Variants in PREP observed in about 807,000 individuals in gnomAD.
PREP encodes dJ355L5.1 (prolyl endopeptidase).
Under a neutral mutation model 87.6 loss-of-function variants are expected in PREP, and 29 were observed. The ratio of observed to expected loss-of-function variants is 0.33; its 90% CI spans 0.25 to 0.45. The LOEUF is 0.45. Among genes scored for constraint, PREP ranks in the 20% least tolerant of loss-of-function variants. The probability of loss-of-function intolerance (pLI) is 1.00; values close to 1 mark genes in which losing one functional copy is unlikely to be tolerated. For missense variants in PREP, 695 were observed against 886.5 expected (o/e 0.78, Z 2.74); for synonymous variants, 337 against 328.6 (o/e 1.03, Z -0.28).
At chr6:105,282,403 C>T (rs1770103769) in intron 13 of PREP, 48 bp downstream of exon 13, 1 of 1,584,902 alleles carries the variant, frequency 6.3e-7, no homozygotes, top group Non-Finnish European at 8.6e-7. Flanking sequence ...ATCTGAAAAC[C>T]CCAAGAGGGC....
chr6:105,332,810 T>C (rs539900137), intron 8 of PREP, among the ~76,000 whole-genome samples: 1 of 152,358 alleles, frequency 6.6e-6, no homozygotes, highest in African/African-American at 2.4e-5. Flanking sequence ...AAGAGGTTAA[T>C]GTAGTTCACT....
chr6:105,368,681 T>C (rs577442477), intron 6 of PREP, among the ~76,000 whole-genome samples: 5 of 152,354 alleles, frequency 3.3e-5, no homozygotes, highest in Admixed American at 6.5e-5. Flanking sequence ...TTTTTTACCC[T>C]CAAAGTATTA....
chr6:105,312,551 C>A (rs1049596774), intron 10 of PREP, among the ~76,000 whole-genome samples: 3 of 152,194 alleles, frequency 2.0e-5, no homozygotes, highest in Non-Finnish European at 4.4e-5. Context: ...TTAATTGTGA[C>A]AGCCTGATCA....
intron 8 of PREP, among the ~76,000 whole-genome samples, 191 bp downstream of exon 8, chr6:105,333,123 A>C (rs575996747): frequency 1.3e-5 from 2 of 152,330 alleles, no homozygotes; most frequent in South Asian, 4.1e-4. Flanking sequence ...TTTCTACATG[A>C]TATAGTACTA....
chr6:105,334,788 A>T (rs919774748), intron 7 of PREP, among the ~76,000 whole-genome samples: 3 of 151,588 alleles, frequency 2.0e-5, no homozygotes, highest in Admixed American at 6.6e-5. Context: ...GTGGCTATTC[A>T]CAGGCATGAT....
chr6:105,375,495 C>G lies in PREP; in HGVS notation c.385+630G>C, dbSNP rs1413838183. 2.0e-5 allele frequency among the ~76,000 whole-genome samples: 3 copies of G among 152,332 alleles called. No individual in the cohort carries two copies. The East Asian group carries it at 5.8e-4, about 29-fold the overall frequency. The stretch of plus-strand genomic sequence containing the variant: ...CTGCAGAAACCTTGGATAATCTTCT[C>G]TATGGCCTACGGAGGAGGTTATCTT... On this transcript the variant is annotated intron_variant, in intron 4 of 14. Coordinates refer to ENST00000652536, the MANE Select transcript of PREP (RefSeq NM_002726.5).
intron 2 of PREP, among the ~76,000 whole-genome samples, chr6:105,392,573 T>C (rs1404794477): frequency 6.6e-6 from 1 of 152,074 alleles, no homozygotes; most frequent in African/African-American, 2.4e-5. Context: ...TTTTTACAAA[T>C]GTAGTTTTTG....
At chr6:105,307,146 G>C (rs1583046400) in intron 10 of PREP, among the ~76,000 whole-genome samples, 1 of 152,144 alleles carries the variant, frequency 6.6e-6, no homozygotes, top group Non-Finnish European at 1.5e-5. Context: ...ATTTTCTTCA[G>C]ACTCTGGATG....
intron 2 of PREP, among the ~76,000 whole-genome samples, chr6:105,388,641 C>CA (rs1290044142): frequency 3.3e-5 from 5 of 152,172 alleles, no homozygotes; most frequent in Non-Finnish European, 5.9e-5. Flanking sequence ...AGTATGTTTA[C>CA]AAACTGTAAT....
At chr6:105,316,232 G>A (rs1274590182) in intron 10 of PREP, among the ~76,000 whole-genome samples, 1 of 152,134 alleles carries the variant, frequency 6.6e-6, no homozygotes, top group Non-Finnish European at 1.5e-5. Context: ...AACATTTGGA[G>A]GCCACTGTAG....
At chr6:105,279,594 T>C (rs1051569195) in intron 14 of PREP, among the ~76,000 whole-genome samples, 2 of 152,208 alleles carry the variant, frequency 1.3e-5, no homozygotes. Context: ...GAAACACCTT[T>C]TACTAATTCT....
chr6:105,318,728 C>T lies in PREP; in HGVS notation c.1317+4937G>A, dbSNP rs538633346. 3.9e-5 allele frequency among the ~76,000 whole-genome samples: 6 copies of T among 152,282 alleles called. No individual in the cohort carries two copies. In the East Asian group the frequency reaches 1.2e-3, roughly 29 times the overall value. On this transcript the variant is annotated intron_variant, in intron 10 of 14. Coordinates refer to ENST00000652536, the MANE Select transcript of PREP (RefSeq NM_002726.5). Reference sequence around the variant, plus strand: ...TAACCATATGAAAATAGAGTGACCCCTCAGAAAGTTTCTTTTTGAAAATGC... The same window carrying T: ...TAACCATATGAAAATAGAGTGACCCTTCAGAAAGTTTCTTTTTGAAAATGC...
At chr6:105,289,609 A>G (rs1156335307) in intron 10 of PREP, among the ~76,000 whole-genome samples, 1 of 152,224 alleles carries the variant, frequency 6.6e-6, no homozygotes, top group Non-Finnish European at 1.5e-5. Flanking sequence ...ATCCTTTTGG[A>G]TAAAGGATTT....
In PREP at chr6:105,285,580, A is replaced by G. The variant is rs757972353; in HGVS notation, c.1455T>C (p.Ser485=). The change falls in exon 12 of 15, where the codon AGT becomes AGC. Residue 485 remains serine (S), a splice_region_variant and synonymous_variant. Transcript: ENST00000652536. ...GFNISITPNY[S]VSRLIFVRHM... ...GTCTCACAAAAATAAGCCTGGAAAC[A>G]CTGAGAAGCAGTAAAAACAGTTAAC... 5.6e-6 allele frequency: 9 copies of G among 1,612,262 alleles called. No individual in the cohort carries two copies. In the East Asian group the frequency reaches 2.0e-4, roughly 36 times the overall value.
At chr6:105,387,145 T>C (rs2114725177) in intron 2 of PREP, among the ~76,000 whole-genome samples, 1 of 152,146 alleles carries the variant, frequency 6.6e-6, no homozygotes, top group South Asian at 2.1e-4. Flanking sequence ...TTGCTTGAAC[T>C]TGCCGGGTGG....
At chr6:105,382,077 T>G (rs1177329247) in intron 2 of PREP, among the ~76,000 whole-genome samples, 3 of 151,990 alleles carry the variant, frequency 2.0e-5, no homozygotes, top group Admixed American at 2.0e-4. Context: ...CCTCATGCTC[T>G]CACTTATATG....
rs1491039433 is a variant in PREP, at chr6:105,278,480, TAG to T, written c.1839-44_1839-43del. On this transcript the variant is annotated intron_variant, in intron 14 of 14. Coordinates refer to ENST00000652536, the MANE Select transcript of PREP (RefSeq NM_002726.5). The surrounding 1 kb of genome is among the most constrained non-coding windows in gnomAD (Gnocchi z 4.2). ...CCTTTGTGAGGCTGGAGAGCAACAG[TAG>T]AGTTTTATGGCACAGGGACCTAGGT... 1.9e-6 allele frequency: 3 copies of T among 1,564,358 alleles called. No homozygotes were observed. The highest frequency in any genetic ancestry group is 1.7e-5 in the Admixed American group (1 of 58,596).
chr6:105,372,166 G>C (rs937296454), intron 5 of PREP, among the ~76,000 whole-genome samples: 7 of 151,448 alleles, frequency 4.6e-5, no homozygotes, highest in Admixed American at 2.0e-4. Flanking sequence ...ATAGCCAAGA[G>C]ATGAAAAACA....
At chr6:105,382,025 A>G (rs919848731) in intron 2 of PREP, among the ~76,000 whole-genome samples, 1 of 152,174 alleles carries the variant, frequency 6.6e-6, no homozygotes, top group Non-Finnish European at 1.5e-5. Context: ...TACACAAAAT[A>G]CTGCAGTCCT....
Sources: gnomAD v4.1 joint callset for allele counts (sites outside exome capture counted in the v4.1 genomes callset) on GRCh38, gnomAD v4.1.1 for gene constraint, Gnocchi (gnomAD v3.1) non-coding constraint, MANE v1.5 for transcripts, NCBI Gene and HGNC (gene_info 2026-07-23, HGNC 2026-07-21) for gene names.